Variants in ARHGAP32 observed in about 807,000 individuals in gnomAD.
ARHGAP32 encodes the protein Rho GTPase activating protein 32.
A neutral mutation model predicts 186.5 loss-of-function variants in ARHGAP32; 51 were observed. That is an observed-to-expected ratio of 0.27 (90% confidence interval 0.22 to 0.35). The LOEUF (loss-of-function observed/expected upper bound fraction) is 0.35. ARHGAP32 is among the 10% of genes least tolerant of loss of function. The pLI is 1.00. For missense variants in ARHGAP32, 2,186 were observed against 2,623.5 expected (o/e 0.83, Z 3.64); for synonymous variants, 950 against 964.3 (o/e 0.99, Z 0.27).
At chr11:129,178,512 C>T (rs1456579345) in intron 1 of ARHGAP32, among the ~76,000 whole-genome samples, 122 of 152,086 alleles carry the variant, frequency 8.0e-4, no homozygotes, top group African/African-American at 2.7e-3. Flanking sequence ...AGAACAAAGC[C>T]GGAGACATCA....
rs1249298147 is a variant in ARHGAP32 at position 128,970,895 on chromosome 11, C to G, written c.4318G>C (p.Ala1440Pro). The G allele has an allele frequency of 6.2e-7, 1 of 1,614,188 alleles. No individual in the cohort carries two copies. The highest frequency in any genetic ancestry group is 1.3e-5 in the African/African-American group (1 of 75,046). The stretch of plus-strand genomic sequence containing the variant: ...GCATCTGCACTGCTGGAGTGTATGG[C>G]AGCAATCATCTTACTCTCCATCATC... ...TRMMESKMIA[A>P]IHSSSADATS... Residue 1440 changes from alanine to proline, a missense_variant, in exon 23 of 23, where the codon GCC becomes CCC. Physicochemically the swap from Ala to Pro is conservative, Grantham distance 27 (BLOSUM62 -1). Around this residue, in one of 5 missense-constraint regions of ARHGAP32, gnomAD observed 1,502 missense variants for 1,570.0 expected, o/e 0.96. Transcript: ENST00000682385. The surrounding 1 kb of genome is among the most constrained non-coding windows in gnomAD (Gnocchi z 5.8).
At position 129,244,531 on chromosome 11, in the gene ARHGAP32, G is replaced by A. The variant is rs528222722; in HGVS notation, c.-5+34615C>T. On this transcript the variant is annotated intron_variant, in intron 1 of 6. Coordinates refer to the ARHGAP32 transcript ENST00000525234. The stretch of plus-strand genomic sequence containing the variant: ...CTAGGCATTACCATTCAGGACATAG[G>A]CATGGGCAAGAACTTCATGTCTAAA... Among the ~76,000 whole-genome samples, 568 of 152,222 alleles carry A rather than the reference G, an allele frequency of 3.7e-3. 2 individuals carry two copies. The highest frequency in any genetic ancestry group is 0.013 in the African/African-American group (543 of 41,514).
intron 5 of ARHGAP32, among the ~76,000 whole-genome samples, chr11:129,121,457 G>A (rs958637179): frequency 1.3e-5 from 2 of 152,052 alleles, no homozygotes; most frequent in African/African-American, 4.8e-5. Flanking sequence ...ACAGAGGCAG[G>A]ACAAAACTGG....
At chr11:129,208,578 A>AT (rs1212756068) in intron 1 of ARHGAP32, among the ~76,000 whole-genome samples, 1 of 152,154 alleles carries the variant, frequency 6.6e-6, no homozygotes, top group African/African-American at 2.4e-5. Flanking sequence ...AAGTAAACAA[A>AT]TGGAAAAGAC....
At chr11:129,011,151 T>G (rs1938057774) in intron 11 of ARHGAP32, among the ~76,000 whole-genome samples, 1 of 152,232 alleles carries the variant, frequency 6.6e-6, no homozygotes, top group Non-Finnish European at 1.5e-5. Context: ...CAGCATTTAC[T>G]TTACACTTAG....
chr11:129,222,351 G>T (rs923789725), intron 1 of ARHGAP32, among the ~76,000 whole-genome samples: 5 of 152,098 alleles, frequency 3.3e-5, no homozygotes, highest in Non-Finnish European at 7.4e-5. Context: ...GGTTCAGACA[G>T]GTTAAGCAAC....
chr11:129,129,581 G>C (rs776651841), intron 2 of ARHGAP32, among the ~76,000 whole-genome samples: 1 of 152,224 alleles, frequency 6.6e-6, no homozygotes, highest in Non-Finnish European at 1.5e-5. Flanking sequence ...CGGCGGTTTT[G>C]TCAAATAGAA....
chr11:128,971,406 G>A (rs374280080), intron 22 of ARHGAP32: 3 of 448,778 alleles, frequency 6.7e-6, no homozygotes, highest in Non-Finnish European at 1.2e-5. Context: ...TTTTAAATGC[G>A]AGATGAGGTT....
At chr11:129,015,821 A>T (rs144765159) in intron 11 of ARHGAP32, among the ~76,000 whole-genome samples, 1 of 152,314 alleles carries the variant, frequency 6.6e-6, no homozygotes, top group East Asian at 1.9e-4. Context: ...TCCTGCTGTC[A>T]GAGTTTACAA....
At chr11:129,252,111 A>G (rs1945194090) in intron 1 of ARHGAP32, among the ~76,000 whole-genome samples, 1 of 152,172 alleles carries the variant, frequency 6.6e-6, no homozygotes, top group African/African-American at 2.4e-5. Context: ...ATAGTTTTAG[A>G]CCAATTCTAA....
intron 1 of ARHGAP32, among the ~76,000 whole-genome samples, chr11:129,214,597 C>G (rs866807587): frequency 2.0e-5 from 3 of 152,160 alleles, no homozygotes; most frequent in African/African-American, 7.2e-5. Context: ...TGCCTTCACT[C>G]TGCTCTCCAG....
rs79051158 is a variant in ARHGAP32, at chr11:129,223,121, C to A, written c.-5+56025G>T. On this transcript the variant is annotated intron_variant, in intron 1 of 6. Coordinates refer to the ARHGAP32 transcript ENST00000525234. ...TCTAAAATTAATGAGATTTTACATT[C>A]TTTCTTCATACTAAGTCTTTGAACA... is the stretch of plus-strand genomic sequence containing the variant. 4.6e-5 allele frequency among the ~76,000 whole-genome samples: 7 copies of A among 152,240 alleles called. No homozygotes were observed. In the East Asian group the frequency reaches 1.2e-3, roughly 25 times the overall value.
upstream of ARHGAP32, among the ~76,000 whole-genome samples, chr11:129,196,681 G>A (rs937387921): frequency 6.6e-6 from 1 of 152,106 alleles, no homozygotes; most frequent in Admixed American, 6.5e-5. Context: ...TCATGAGGCA[G>A]GAGCCATCAT....
chr11:129,189,480 A>G (rs1944233287), intron 1 of ARHGAP32, among the ~76,000 whole-genome samples: 1 of 152,212 alleles, frequency 6.6e-6, no homozygotes, highest in South Asian at 2.1e-4. Flanking sequence ...GAATTAAAAC[A>G]TTTATGTTTT....
In ARHGAP32 at chr11:129,026,171, C is replaced by T. The variant is rs530341650; in HGVS notation, c.1045+14757G>A. ...AACTGTATTGTGACCATGTTGTTTC[C>T]TGGTTTTGATAATGTACTACTATAT... On this transcript the variant is annotated intron_variant, in intron 11 of 22. Transcript: ENST00000682385. Among the ~76,000 whole-genome samples, 38 of 152,102 alleles carry T rather than the reference C, an allele frequency of 2.5e-4. 1 individual carries two copies. Among genetic ancestry groups the T allele is most frequent in the Middle Eastern group, 6.8e-3 (2 of 294 alleles).
intron 1 of ARHGAP32, among the ~76,000 whole-genome samples, chr11:129,176,116 A>G (rs1320498092): frequency 1.0e-5 from 1 of 96,746 alleles, no homozygotes; most frequent in Non-Finnish European, 2.0e-5. Flanking sequence ...TGGAAAACAA[A>G]AAAAGGCAGG....
intron 11 of ARHGAP32, among the ~76,000 whole-genome samples, chr11:129,007,237 G>T (rs1325829673): frequency 2.0e-5 from 3 of 151,968 alleles, no homozygotes; most frequent in Non-Finnish European, 4.4e-5. Context: ...GGCCAAGCTG[G>T]TACCTAAGGT....
At chr11:128,985,879 T>C in intron 15 of ARHGAP32, 124 bp downstream of exon 15, 1 of 254,356 alleles carries the variant, frequency 3.9e-6, no homozygotes. Flanking sequence ...TATATATATA[T>C]ATATATGAAA....
In ARHGAP32 at chr11:129,040,817, TA is replaced by T. The variant is rs963181339; in HGVS notation, c.1045+110del. The T allele has an allele frequency of 1.8e-5, 12 of 656,970 alleles. No individual in the cohort carries two copies. The African/African-American group carries it at 2.0e-4, about 11-fold the overall frequency. The allele number at this position is 656,970 out of a possible 1,614,324, so 40.7% of individuals were successfully genotyped here. A position where few individuals can be genotyped will look rare whatever the true frequency, so the allele number is the denominator to read the frequency against. ...ATATAAAATTAAGAATGTTAATTAT[TA>T]TGCCTATAAATGCAAAACTAGCAAA... On this transcript the variant is annotated intron_variant, in intron 11 of 22. Transcript: ENST00000682385.
Sources: allele counts gnomAD v4.1 joint callset (sites outside exome capture counted in the v4.1 genomes callset), GRCh38; gene constraint gnomAD v4.1.1; regional missense constraint gnomAD v4.1.1; non-coding constraint Gnocchi (gnomAD v3.1); transcripts MANE v1.5; gene names NCBI Gene and HGNC (gene_info 2026-07-23, HGNC 2026-07-21).